PTPRT: variants seen among roughly 807,000 people sequenced by gnomAD.
PTPRT encodes protein tyrosine phosphatase receptor type T, also known as receptor-type tyrosine-protein phosphatase T.
Under a neutral mutation model 176.8 loss-of-function variants are expected in PTPRT, and 56 were observed. The ratio of observed to expected loss-of-function variants is 0.32; its 90% CI spans 0.26 to 0.40. The LOEUF (loss-of-function observed/expected upper bound fraction) is 0.40. PTPRT is among the 10% of genes least tolerant of loss of function. PTPRT has a pLI of 1.00. For synonymous variants in PTPRT, 783 were observed against 739.0 expected (o/e 1.06, Z -0.96); for missense variants, 1,540 against 1,908.2 (o/e 0.81, Z 3.60).
At chr20:42,237,955 A>G (rs1485143319) in intron 14 of PTPRT, among the ~76,000 whole-genome samples, 1 of 152,160 alleles carries the variant, frequency 6.6e-6, no homozygotes, top group Non-Finnish European at 1.5e-5. Flanking sequence ...AGTCGTTATA[A>G]CTGCAGAGTG....
intron 1 of PTPRT, chr20:43,063,301 T>C (rs760877117): frequency 3.3e-5 from 5 of 152,192 alleles, no homozygotes; most frequent in Admixed American, 1.3e-4. Context: ...TGTTCCACTG[T>C]TAGTCATCCA....
chr20:42,789,962 G>A (rs562152540), intron 3 of PTPRT, among the ~76,000 whole-genome samples: 43 of 152,228 alleles, frequency 2.8e-4, no homozygotes, highest in Admixed American at 1.9e-3. Flanking sequence ...CCCAGCCACC[G>A]GTTCATCTTC....
intron 1 of PTPRT, among the ~76,000 whole-genome samples, chr20:42,918,941 C>A (rs1978968456): frequency 6.6e-6 from 1 of 152,184 alleles, no homozygotes; most frequent in South Asian, 2.1e-4. Flanking sequence ...GAGGCCCTCT[C>A]AGCTCATGCC....
chr20:42,104,168 T>C (rs1210513147), intron 25 of PTPRT, among the ~76,000 whole-genome samples: 1 of 152,156 alleles, frequency 6.6e-6, no homozygotes, highest in Non-Finnish European at 1.5e-5. Flanking sequence ...TTAGTGCTCT[T>C]ATAAGAAGAA....
intron 11 of PTPRT, among the ~76,000 whole-genome samples, chr20:42,319,836 T>G (rs994449167): frequency 1.4e-4 from 22 of 152,222 alleles, no homozygotes; most frequent in Non-Finnish European, 3.1e-4. Flanking sequence ...CATATCCAAA[T>G]GTGAATGACC....
At chr20:42,169,743 A>AACACACACACACACACACACAC (rs56329932) in intron 16 of PTPRT, among the ~76,000 whole-genome samples, 3 of 104,596 alleles carry the variant, frequency 2.9e-5, no homozygotes, top group African/African-American at 1.2e-4. Flanking sequence ...ACAATTTTCA[A>AACACACACACACACACACACAC]ACACACACAC....
intron 2 of PTPRT, among the ~76,000 whole-genome samples, chr20:42,852,499 T>C (rs186735215): frequency 3.1e-3 from 465 of 152,364 alleles, no homozygotes; most frequent in Non-Finnish European, 5.2e-3. Context: ...CTAAAACCTC[T>C]TGCTAATGCC....
At chr20:42,964,658 T>C (rs1453910283) in intron 1 of PTPRT, among the ~76,000 whole-genome samples, 1 of 152,172 alleles carries the variant, frequency 6.6e-6, no homozygotes, top group Non-Finnish European at 1.5e-5. Flanking sequence ...AAGACATATA[T>C]CAAACCTCTC....
rs576262305 is a variant in PTPRT, at chr20:42,186,758, G to T, written c.2491+12482C>A. Among the ~76,000 whole-genome samples, 182 of 152,236 alleles carry T rather than the reference G, an allele frequency of 1.2e-3. 1 individual carries two copies. Among genetic ancestry groups the T allele is most frequent in the African/African-American group, 4.0e-3 (167 of 41,552 alleles). ...AATAGACTACAGAATGACACGGATG[G>T]ATATGAGGATTATTTAGGAGTTGTG... On this transcript the variant is annotated intron_variant, in intron 16 of 30. Coordinates refer to ENST00000373187, the MANE Select transcript of PTPRT (RefSeq NM_007050.6).
chr20:42,747,542 G>A (rs995998264), intron 6 of PTPRT, among the ~76,000 whole-genome samples: 1 of 152,196 alleles, frequency 6.6e-6, no homozygotes, highest in Non-Finnish European at 1.5e-5. Context: ...GGGAGGTGGG[G>A]GAGAGTGTTA....
chr20:42,810,066 G>A (rs953484796), intron 2 of PTPRT, among the ~76,000 whole-genome samples: 3 of 152,194 alleles, frequency 2.0e-5, no homozygotes, highest in Admixed American at 1.3e-4. Context: ...GCCGAAGTGG[G>A]TGGATTGCCT....
At chr20:42,920,222 C>G (rs1979055523) in intron 1 of PTPRT, among the ~76,000 whole-genome samples, 1 of 152,148 alleles carries the variant, frequency 6.6e-6, no homozygotes, top group South Asian at 2.1e-4. Context: ...TATTACCCAG[C>G]ATGAACTATT....
chr20:43,019,408 C>T (rs1985540876), intron 1 of PTPRT, among the ~76,000 whole-genome samples: 1 of 151,948 alleles, frequency 6.6e-6, no homozygotes. Context: ...ATCACGAGGT[C>T]AGGAGATTGA....
In PTPRT at chr20:42,792,747, T is replaced by C. The variant is rs564332895; in HGVS notation, c.215-1281A>G. Among the ~76,000 whole-genome samples, 80 of 152,300 alleles carry C rather than the reference T, an allele frequency of 5.3e-4. No individual in the cohort carries two copies. The South Asian group carries it at 0.016, about 31-fold the overall frequency. ...CAATAGCTAAAAGTCACCTCATTCT[T>C]TCACCCTAATACCAAAAAGACTAAC... On this transcript the variant is annotated intron_variant, in intron 2 of 30. Coordinates refer to ENST00000373187, the MANE Select transcript of PTPRT (RefSeq NM_007050.6).
chr20:42,816,861 AG>A (rs1354458023), intron 2 of PTPRT, among the ~76,000 whole-genome samples: 4 of 152,220 alleles, frequency 2.6e-5, no homozygotes, highest in Non-Finnish European at 5.9e-5. Flanking sequence ...CAATCATGAA[AG>A]GCAAGAATCG....
chr20:42,115,439 G>A, intron 21 of PTPRT, 124 bp from the exon 22 acceptor site: 1 of 739,360 alleles, frequency 1.4e-6, no homozygotes, highest in Admixed American at 2.0e-5. Flanking sequence ...GGTGACTTTG[G>A]TGGCATTTCA....
At chr20:43,057,202 G>T (rs1284962142) in intron 1 of PTPRT, among the ~76,000 whole-genome samples, 1 of 142,616 alleles carries the variant, frequency 7.0e-6, no homozygotes, top group Non-Finnish European at 1.5e-5. Flanking sequence ...CTGACTGTGG[G>T]GATAGTCACT....
chr20:42,098,429 T>C lies in PTPRT; in HGVS notation c.3838A>G (p.Thr1280Ala), dbSNP rs1985514737. The change falls in exon 27 of 31, where the codon ACT (threonine) becomes GCT (alanine). Residue 1280 changes from threonine to alanine, a missense_variant. Around this residue, in one of 11 missense-constraint regions of PTPRT, gnomAD observed 342 missense variants for 394.0 expected, o/e 0.87. Transcript: ENST00000373187. ...SSVVMLNEMD[T>A]AQFCMQYWPE... ...GCTTGGCCTCCTCCTACCTGGGCAG[T>C]GTCCATCTCATTCAGCATCACCACA... The C allele has an allele frequency of 6.2e-7, 1 of 1,614,104 alleles. No homozygotes were observed. The highest frequency in any genetic ancestry group is 1.7e-5 in the Admixed American group (1 of 60,020).
rs61105564 is a variant in PTPRT at position 42,780,316 on chromosome 20, G to T, written c.487-17C>A. The T allele has an allele frequency of 1.4e-5, 22 of 1,603,012 alleles. No homozygotes were observed. Among genetic ancestry groups the T allele is most frequent in the Non-Finnish European group, 1.7e-5 (20 of 1,170,170 alleles). On this transcript the variant is annotated splice_polypyrimidine_tract_variant and intron_variant, in intron 3 of 30. Coordinates refer to ENST00000373187, the MANE Select transcript of PTPRT (RefSeq NM_007050.6). The stretch of plus-strand genomic sequence containing the variant: ...AAATATCACCTGCAACACACAGGGC[G>T]GGAGTCAATTTCACAGAAACAGTTG...
Sources: allele counts gnomAD v4.1 joint callset (sites outside exome capture counted in the v4.1 genomes callset), GRCh38; gene constraint gnomAD v4.1.1; regional missense constraint gnomAD v4.1.1; transcripts MANE v1.5; gene names NCBI Gene and HGNC (gene_info 2026-07-23, HGNC 2026-07-21).